MBOAT2: variants seen among roughly 807,000 people sequenced by gnomAD.
The protein encoded by MBOAT2 is membrane-bound glycerophospholipid O-acyltransferase 2.
A neutral mutation model predicts 63.4 loss-of-function variants in MBOAT2; 28 were observed. The observed-to-expected ratio is 0.44, with a 90% CI of 0.33 to 0.61. The LOEUF is 0.61. Ranked by LOEUF, MBOAT2 falls within the 20% of genes least tolerant of loss-of-function variation. MBOAT2 has a pLI of 0.03. For missense variants in MBOAT2, 470 were observed against 605.8 expected (o/e 0.78, Z 2.35); for synonymous variants, 211 against 215.6 (o/e 0.98, Z 0.19).
intron 2 of MBOAT2, among the ~76,000 whole-genome samples, chr2:8,948,710 T>C (rs770174781): frequency 6.6e-6 from 1 of 152,228 alleles, no homozygotes; most frequent in Non-Finnish European, 1.5e-5. Flanking sequence ...CCATGGTGTA[T>C]ATGTACCACA....
chr2:8,889,082 A>T lies in MBOAT2; in HGVS notation c.396-1009T>A, dbSNP rs543209735. ...GAACATGTTTCACGGAATCCTGAGGACAGTGTGGCGCACGCAGCATCACCC... is the reference window on the plus strand; with the variant it reads ...GAACATGTTTCACGGAATCCTGAGGTCAGTGTGGCGCACGCAGCATCACCC... On this transcript the variant is annotated intron_variant, in intron 4 of 12. Transcript: ENST00000305997. Among the ~76,000 whole-genome samples the T allele has an allele frequency of 2.0e-5, 3 of 152,282 alleles. No homozygotes were observed. The South Asian group carries it at 6.2e-4, about 32-fold the overall frequency.
At chr2:8,871,699 T>C (rs1662337173) in intron 8 of MBOAT2, among the ~76,000 whole-genome samples, 1 of 152,228 alleles carries the variant, frequency 6.6e-6, no homozygotes, top group African/African-American at 2.4e-5. Flanking sequence ...CAACTTTTAA[T>C]GATGCTATTG....
Position 9,003,543 on chromosome 2 carries a change from G to C in MBOAT2, c.72C>G (p.Asp24Glu). 8.2e-7 allele frequency: 1 copy of C among 1,218,342 alleles called. No individual in the cohort carries two copies. The highest frequency in any genetic ancestry group is 1.0e-6 in the Non-Finnish European group (1 of 974,504). The allele number at this position is 1,218,342 out of a possible 1,614,324, so 75.5% of individuals were successfully genotyped here. Residue 24 changes from aspartate (D) to glutamate (E), a missense_variant, in exon 1 of 13, where the codon GAC becomes GAG. Physicochemically the swap from Asp to Glu is conservative, Grantham distance 45 (BLOSUM62 2). Transcript: ENST00000305997. The surrounding 1 kb of genome is among the most constrained non-coding windows in gnomAD (Gnocchi z 5.4). ...GCGCCAGGGCGCCTCGGGGTACCTG[G>C]TCGATGGGCAGCTGCACGGCGTTGC... ...PLSNAVQLPIDQVNFVVCQLF... is the reference protein window; with the variant it reads ...PLSNAVQLPIEQVNFVVCQLF...
intron 1 of MBOAT2, among the ~76,000 whole-genome samples, chr2:8,958,879 C>T (rs1669414227): frequency 6.6e-6 from 1 of 152,064 alleles, no homozygotes; most frequent in Non-Finnish European, 1.5e-5. Context: ...GGTGTGGCCA[C>T]GTGGGGAGAG....
intron 2 of MBOAT2, among the ~76,000 whole-genome samples, chr2:8,952,894 C>A (rs541201523): frequency 6.6e-6 from 1 of 152,006 alleles, no homozygotes; most frequent in Non-Finnish European, 1.5e-5. Context: ...TCTTGAAAAC[C>A]GCAGAAGAAT....
chr2:8,990,547 A>C lies in MBOAT2; in HGVS notation c.75+12993T>G, dbSNP rs1051501928. On this transcript the variant is annotated intron_variant, in intron 1 of 12. Coordinates refer to ENST00000305997, the MANE Select transcript of MBOAT2 (RefSeq NM_138799.4). ...TGAAATATTCATTTAAAAATTATTT[A>C]ATAGATCACTTTATAATCCTATAAA... 6.6e-5 allele frequency among the ~76,000 whole-genome samples: 10 copies of C among 152,290 alleles called. No individual in the cohort carries two copies. The Middle Eastern group carries it at 0.01, about 155-fold the overall frequency.
At chr2:8,896,055 G>C (rs537190536) in intron 4 of MBOAT2, among the ~76,000 whole-genome samples, 2 of 152,056 alleles carry the variant, frequency 1.3e-5, no homozygotes, top group South Asian at 4.2e-4. Context: ...GGCTAACATG[G>C]TGAAATCCCA....
At position 8,899,825 on chromosome 2, in the gene MBOAT2, C is replaced by T. The variant is rs544798734; in HGVS notation, c.395+8796G>A. On this transcript the variant is annotated intron_variant, in intron 4 of 12. Transcript: ENST00000305997. Reference sequence around the variant, plus strand: ...TAAGGCTGCGGCCTTTCTCTGATCTCGCTTTTCCTTTTGGGCCTGTTCCTC... The same window carrying T: ...TAAGGCTGCGGCCTTTCTCTGATCTTGCTTTTCCTTTTGGGCCTGTTCCTC... Among the ~76,000 whole-genome samples, 375 of 152,314 alleles carry T rather than the reference C, an allele frequency of 2.5e-3. 2 individuals are homozygous for T. The highest frequency in any genetic ancestry group is 0.01 in the Middle Eastern group (3 of 294).
chr2:8,925,049 C>T (rs1403598020), intron 3 of MBOAT2, among the ~76,000 whole-genome samples: 1 of 152,074 alleles, frequency 6.6e-6, no homozygotes, highest in African/African-American at 2.4e-5. Flanking sequence ...CGTGGAGCAA[C>T]TGAGAAAGAT....
At chr2:8,866,260 G>A (rs1410397890) in intron 9 of MBOAT2, among the ~76,000 whole-genome samples, 1 of 151,924 alleles carries the variant, frequency 6.6e-6, no homozygotes, top group Non-Finnish European at 1.5e-5. Flanking sequence ...CTTTTTTTAT[G>A]TATAAAGAAC....
chr2:8,865,501 G>A (rs944835641), intron 9 of MBOAT2, among the ~76,000 whole-genome samples: 3 of 151,984 alleles, frequency 2.0e-5, no homozygotes, highest in Non-Finnish European at 4.4e-5. Context: ...TCAATCAATA[G>A]GTCTCTCTCC....
intron 1 of MBOAT2, among the ~76,000 whole-genome samples, chr2:8,982,468 CT>C (rs1391484082): frequency 6.6e-6 from 1 of 152,134 alleles, no homozygotes; most frequent in Non-Finnish European, 1.5e-5. Context: ...GTCAGAGTAA[CT>C]TCTTCTTAGC....
chr2:8,911,883 A>G (rs1244628752), intron 3 of MBOAT2, among the ~76,000 whole-genome samples: 1 of 152,124 alleles, frequency 6.6e-6, no homozygotes, highest in African/African-American at 2.4e-5. Flanking sequence ...GAAACATTAC[A>G]TTAAGACACT....
chr2:8,893,666 G>A (rs1215729960), intron 4 of MBOAT2, among the ~76,000 whole-genome samples: 3 of 152,188 alleles, frequency 2.0e-5, no homozygotes, highest in Admixed American at 2.0e-4. Flanking sequence ...CTTGAGAACA[G>A]GAAATGAAAG....
intron 3 of MBOAT2, among the ~76,000 whole-genome samples, chr2:8,938,359 T>C (rs762014981): frequency 6.6e-6 from 1 of 151,758 alleles, no homozygotes; most frequent in Non-Finnish European, 1.5e-5. Context: ...GCTCATATGG[T>C]TGGGCACACG....
intron 3 of MBOAT2, among the ~76,000 whole-genome samples, chr2:8,923,308 A>G (rs1387412176): frequency 2.0e-5 from 3 of 152,184 alleles, no homozygotes; most frequent in Non-Finnish European, 4.4e-5. Flanking sequence ...TCCTACAGAA[A>G]ACATTACTAT....
At chr2:8,956,005 T>C (rs1227788297) in intron 2 of MBOAT2, among the ~76,000 whole-genome samples, 1 of 152,226 alleles carries the variant, frequency 6.6e-6, no homozygotes, top group East Asian at 1.9e-4. Context: ...ATAATTATAT[T>C]GCATACTTAA....
rs538385600 is a variant in MBOAT2 at position 8,878,409 on chromosome 2, G to C, written c.507-1196C>G. Among the ~76,000 whole-genome samples, 25 of 152,326 alleles carry C rather than the reference G, an allele frequency of 1.6e-4. No individual in the cohort carries two copies. In the South Asian group the frequency reaches 5.0e-3, roughly 30 times the overall value. ...AACTGCACCTGTGGACAGCAGGCAGGCTTCTTGAACATGTTACAGTCCATG... is the reference window on the plus strand; with the variant it reads ...AACTGCACCTGTGGACAGCAGGCAGCCTTCTTGAACATGTTACAGTCCATG... On this transcript the variant is annotated intron_variant, in intron 6 of 12. Coordinates refer to ENST00000305997, the MANE Select transcript of MBOAT2 (RefSeq NM_138799.4).
chr2:8,922,796 T>C (rs549905720), intron 3 of MBOAT2, among the ~76,000 whole-genome samples: 19 of 152,284 alleles, frequency 1.2e-4, no homozygotes, highest in Admixed American at 2.0e-4. Flanking sequence ...GGAGATCTTA[T>C]CAAGTCCCTT....
Sources: allele counts gnomAD v4.1 joint callset (sites outside exome capture counted in the v4.1 genomes callset), GRCh38; gene constraint gnomAD v4.1.1; non-coding constraint Gnocchi (gnomAD v3.1); transcripts MANE v1.5; gene names NCBI Gene and HGNC (gene_info 2026-07-23, HGNC 2026-07-21).